The following MYO10 variants were observed in gnomAD, a reference collection of about 807,000 sequenced individuals.
MYO10 encodes the protein unconventional myosin-X.
Under a neutral mutation model 257.3 loss-of-function variants are expected in MYO10, and 133 were observed. The observed-to-expected ratio is 0.52, with a 90% confidence interval of 0.45 to 0.60. The LOEUF is 0.60. Among genes scored for constraint, MYO10 ranks in the 20% least tolerant of loss-of-function variants. The pLI is 0.00. For missense variants in MYO10, 2,399 were observed against 2,635.7 expected, an observed-to-expected ratio of 0.91 and a Z score of 1.97; for synonymous variants, 1,104 against 1,028.6, an observed-to-expected ratio of 1.07 and a Z score of -1.40.
chr5:16,672,504 T>G (rs1736515969), intron 37 of MYO10, among the ~76,000 whole-genome samples, 185 bp downstream of exon 37: 1 of 152,178 alleles, frequency 6.6e-6, no homozygotes, highest in East Asian at 1.9e-4. Context: ...CGTAAGACCG[T>G]AGCTTTATCT....
intron 1 of MYO10, 65 bp downstream of exon 1, chr5:16,935,723 G>A: frequency 6.3e-7 from 1 of 1,598,806 alleles, no homozygotes; most frequent in Non-Finnish European, 8.6e-7. Flanking sequence ...AGGGCGCGCG[G>A]CGTGGTGGGC....
At chr5:16,803,024 G>C (rs971615689) in intron 3 of MYO10, among the ~76,000 whole-genome samples, 1 of 152,034 alleles carries the variant, frequency 6.6e-6, no homozygotes, top group African/African-American at 2.4e-5. Flanking sequence ...AGGATGGCTT[G>C]AGCCCAGGAG....
At chr5:16,725,663 T>A (rs1739335283) in intron 19 of MYO10, among the ~76,000 whole-genome samples, 1 of 152,208 alleles carries the variant, frequency 6.6e-6, no homozygotes, top group East Asian at 1.9e-4. Flanking sequence ...ATTTGCTCTA[T>A]CACCCTGTGA....
At chr5:16,902,211 A>C in intron 1 of MYO10, 1 of 642,832 alleles carries the variant, frequency 1.6e-6, no homozygotes, top group Non-Finnish European at 2.8e-6. Flanking sequence ...AGGCCCGGCT[A>C]ATTTTTTTTT....
At chr5:16,685,693 C>CA in intron 29 of MYO10, 45 bp downstream of exon 29, 1 of 1,314,878 alleles carries the variant, frequency 7.6e-7, no homozygotes, top group Non-Finnish European at 1.1e-6. Context: ...CTCCCCGTCC[C>CA]TGCCCCTAGA....
At position 16,755,712 on chromosome 5, in the gene MYO10, T is replaced by C. The variant is rs372482842; in HGVS notation, c.1849-804A>G. 2.6e-3 allele frequency among the ~76,000 whole-genome samples: 386 copies of C among 151,006 alleles called. 3 individuals carry two copies. Among genetic ancestry groups the C allele is most frequent in the African/African-American group, 8.8e-3 (362 of 41,158 alleles). Reference sequence around the variant, plus strand: ...CAGATCAATCTTTAATACTACTTTCTTTTCCAACTTTTTTTTTTTTTTTTT... The same window carrying C: ...CAGATCAATCTTTAATACTACTTTCCTTTCCAACTTTTTTTTTTTTTTTTT... On this transcript the variant is annotated intron_variant, in intron 18 of 40. Coordinates refer to ENST00000513610, the MANE Select transcript of MYO10 (RefSeq NM_012334.3).
intron 2 of MYO10, among the ~76,000 whole-genome samples, chr5:16,828,165 GCA>G (rs1262395138): frequency 6.6e-6 from 1 of 152,170 alleles, no homozygotes; most frequent in Non-Finnish European, 1.5e-5. Flanking sequence ...GGTGAGGGCA[GCA>G]CACAGCTCAC....
intron 3 of MYO10, among the ~76,000 whole-genome samples, chr5:16,801,405 T>A (rs565354482): frequency 5.9e-4 from 90 of 151,858 alleles, no homozygotes; most frequent in African/African-American, 2.1e-3. Flanking sequence ...ACGAATGGGG[T>A]TTCACCACAT....
chr5:16,698,623 G>GTTTTTTTTT (rs5866202), intron 26 of MYO10, among the ~76,000 whole-genome samples: 6,228 of 113,380 alleles, frequency 0.055, 552 homozygotes, highest in South Asian at 0.091. Flanking sequence ...AGAACATGCA[G>GTTTTTTTTT]TTTTTTTTTT....
intron 19 of MYO10, among the ~76,000 whole-genome samples, chr5:16,733,943 C>G (rs1324686378): frequency 6.6e-6 from 1 of 152,120 alleles, no homozygotes; most frequent in African/African-American, 2.4e-5. Context: ...AAGTGCCTCC[C>G]TCCTGCTACC....
intron 2 of MYO10, among the ~76,000 whole-genome samples, chr5:16,832,755 C>T (rs568689744): frequency 4.6e-4 from 70 of 152,324 alleles, no homozygotes; most frequent in African/African-American, 1.6e-3. Context: ...TCCATTCCTA[C>T]GACTCCAAAA....
chr5:16,778,970 A>G (rs542574816), intron 9 of MYO10, among the ~76,000 whole-genome samples: 49 of 152,190 alleles, frequency 3.2e-4, no homozygotes, highest in South Asian at 1.2e-3. Flanking sequence ...GATTATAGGC[A>G]TGAGCCACCG....
intron 10 of MYO10, among the ~76,000 whole-genome samples, chr5:16,768,598 C>T (rs1341351878): frequency 1.3e-5 from 2 of 150,378 alleles, no homozygotes; most frequent in Non-Finnish European, 3.0e-5. Flanking sequence ...CTAACCGACG[C>T]TTCATATCTG....
chr5:16,732,841 G>A (rs1056615002), intron 19 of MYO10, among the ~76,000 whole-genome samples: 14 of 152,112 alleles, frequency 9.2e-5, no homozygotes, highest in African/African-American at 2.7e-4. Flanking sequence ...CTGCATTAAC[G>A]GTATTGTAAG....
chr5:16,731,333 A>G (rs1309734159), intron 19 of MYO10, among the ~76,000 whole-genome samples: 1 of 149,738 alleles, frequency 6.7e-6, no homozygotes, highest in East Asian at 2.0e-4. Flanking sequence ...ATGAGCCACC[A>G]CGCCCAGTTT....
intron 9 of MYO10, among the ~76,000 whole-genome samples, chr5:16,772,275 G>A (rs1741076148): frequency 6.6e-6 from 1 of 152,006 alleles, no homozygotes; most frequent in South Asian, 2.1e-4. Flanking sequence ...TGGGATTATA[G>A]GCATGCACCA....
chr5:16,761,816 T>C (rs969095033), intron 16 of MYO10, among the ~76,000 whole-genome samples: 4 of 151,998 alleles, frequency 2.6e-5, no homozygotes, highest in Non-Finnish European at 4.4e-5. Flanking sequence ...CCAGGCTAAC[T>C]TTTTAAAAAA....
At chr5:16,765,946 A>G (rs765386946) in intron 11 of MYO10, 134 bp downstream of exon 11, 8 of 652,520 alleles carry the variant, frequency 1.2e-5, no homozygotes, top group Non-Finnish European at 1.9e-5. Flanking sequence ...TTTTATCATG[A>G]ACCAGTCATT....
chr5:16,843,231 C>A (rs1029104555), intron 2 of MYO10, among the ~76,000 whole-genome samples: 1 of 152,178 alleles, frequency 6.6e-6, no homozygotes. Context: ...GTATGCTCCA[C>A]GCCCCATTCT....
Sources: gnomAD v4.1 joint callset for allele counts (sites outside exome capture counted in the v4.1 genomes callset) on GRCh38, gnomAD v4.1.1 for gene constraint, MANE v1.5 for transcripts, NCBI Gene and HGNC (gene_info 2026-07-23, HGNC 2026-07-21) for gene names.